PAK3: variants seen among roughly 807,000 people sequenced by gnomAD.
The protein encoded by PAK3 is serine/threonine-protein kinase PAK 3.
A neutral mutation model predicts 41.0 loss-of-function variants in PAK3; 4 were observed. The ratio of observed to expected loss-of-function variants is 0.10; its 90% confidence interval spans 0.05 to 0.22. The LOEUF (loss-of-function observed/expected upper bound fraction) is 0.22, where lower values mean the gene tolerates loss of function less well. PAK3 is among the 10% of genes least tolerant of loss of function. The probability of loss-of-function intolerance (pLI) is 1.00; values close to 1 mark genes in which losing one functional copy is unlikely to be tolerated. For missense variants in PAK3, 205 were observed against 409.9 expected (o/e 0.50, Z 4.32); for synonymous variants, 146 against 139.6 (o/e 1.05, Z -0.32).
At chrX:111,173,676 G>A (rs970008325) in intron 11 of PAK3, among the ~76,000 whole-genome samples, 2 of 111,135 alleles carry the variant, frequency 1.8e-5, no homozygotes, top group African/African-American at 3.3e-5. Flanking sequence ...GTCTGGAGTG[G>A]GGTTCAGTGA....
At chrX:110,965,912 A>T (rs969157833) in intron 1 of PAK3, among the ~76,000 whole-genome samples, 2 of 111,663 alleles carry the variant, frequency 1.8e-5, no homozygotes, top group Non-Finnish European at 3.8e-5. Flanking sequence ...GCCCAACGTC[A>T]CAAATCTGGT....
At chrX:111,002,459 T>C (rs940577302) in intron 1 of PAK3, among the ~76,000 whole-genome samples, 3 of 111,502 alleles carry the variant, frequency 2.7e-5, no homozygotes, top group African/African-American at 9.8e-5. Flanking sequence ...AGGGAAGGCA[T>C]CAGCTCTGCT....
chrX:111,049,361 CACCATT>C (rs2092533092), intron 1 of PAK3, among the ~76,000 whole-genome samples: 1 of 112,259 alleles, frequency 8.9e-6, no homozygotes, highest in African/African-American at 3.2e-5. Context: ...AGGATGTAAG[CACCATT>C]AGAGCAGGAA....
rs1026155474 is a variant in PAK3 at position 110,978,749 on chromosome X, T to TTC, written c.-28+34135_-28+34136dup. The stretch of plus-strand genomic sequence containing the variant: ...TTCTTTTTCTTTCTTTCTTCTTTCC[T>TTC]TCTCTCTCTCTCTCTTTCTTTCTTT... On this transcript the variant is annotated intron_variant, in intron 1 of 14. Transcript: ENST00000425146. 2.3e-4 allele frequency among the ~76,000 whole-genome samples: 25 copies of TTC among 108,320 alleles called. No homozygotes were observed. In the South Asian group the frequency reaches 6.6e-3, roughly 29 times the overall value. The allele number at this position is 108,320 out of a possible 115,157, so 94.1% of individuals were successfully genotyped here.
chrX:110,998,997 G>A (rs930114292), intron 1 of PAK3, among the ~76,000 whole-genome samples: 1 of 111,720 alleles, frequency 9.0e-6, no homozygotes, highest in Non-Finnish European at 1.9e-5. Flanking sequence ...TTTGCTAAGA[G>A]GGCATGTTAT....
intron 1 of PAK3, among the ~76,000 whole-genome samples, chrX:110,972,257 G>T (rs2091223984): frequency 9.0e-6 from 1 of 111,533 alleles, no homozygotes; most frequent in African/African-American, 3.3e-5. Flanking sequence ...CTCTGAGAAT[G>T]GACTGACTGC....
chrX:111,134,441 C>T (rs753201131), intron 5 of PAK3, among the ~76,000 whole-genome samples: 25 of 112,215 alleles, frequency 2.2e-4, no homozygotes, highest in East Asian at 1.7e-3. Flanking sequence ...TATACTGGGC[C>T]TTATTTCATA....
At chrX:111,060,527 A>C (rs1280921088) in intron 1 of PAK3, among the ~76,000 whole-genome samples, 1 of 111,326 alleles carries the variant, frequency 9.0e-6, no homozygotes, top group African/African-American at 3.3e-5. Flanking sequence ...TGTTTTGTAG[A>C]ATTCACCAGT....
chrX:111,095,664 C>T (rs73264378), upstream of PAK3, among the ~76,000 whole-genome samples: 9,963 of 111,722 alleles, frequency 0.089, 450 homozygotes, highest in Non-Finnish European at 0.13. Context: ...CCGATCTAGA[C>T]TGCCATCTCT....
At chrX:111,084,886 C>T (rs1342605539) in intron 1 of PAK3, among the ~76,000 whole-genome samples, 1 of 111,824 alleles carries the variant, frequency 8.9e-6, no homozygotes, top group Non-Finnish European at 1.9e-5. Flanking sequence ...AGTAAATTAT[C>T]TGAAAAACGA....
At chrX:111,132,903 C>T (rs1016583445) in intron 5 of PAK3, among the ~76,000 whole-genome samples, 2 of 111,139 alleles carry the variant, frequency 1.8e-5, no homozygotes, top group African/African-American at 3.3e-5. Context: ...CACACACACA[C>T]GCCGAGTTTG....
At position 111,162,302 on chromosome X, in the gene PAK3, A is replaced by G. The variant is rs372900423; in HGVS notation, c.469-613A>G. Among the ~76,000 whole-genome samples the G allele has an allele frequency of 1.3e-4, 15 of 112,001 alleles. 1 individual carries two copies. In the East Asian group the frequency reaches 1.4e-3, roughly 10 times the overall value. ...AGTTTATAAAATATTGAAAATCTCC[A>G]TTTAACTCATGGTTAATATTGAGTA... On this transcript the variant is annotated intron_variant, in intron 8 of 17. Coordinates refer to ENST00000372007, the MANE Select transcript of PAK3 (RefSeq NM_002578.5).
At chrX:111,052,860 C>A (rs1412229181) in intron 1 of PAK3, among the ~76,000 whole-genome samples, 1 of 112,122 alleles carries the variant, frequency 8.9e-6, no homozygotes, top group Non-Finnish European at 1.9e-5. Context: ...AGCTGCCATA[C>A]CCCTTTAACC....
chrX:111,208,214 A>G (rs1490034313), intron 16 of PAK3, among the ~76,000 whole-genome samples: 1 of 113,144 alleles, frequency 8.8e-6, no homozygotes, highest in East Asian at 2.8e-4. Context: ...GTACAGCTGT[A>G]CAATGTGTTT....
At chrX:111,173,176 G>A in intron 11 of PAK3, 95 bp downstream of exon 11, 2 of 514,383 alleles carry the variant, frequency 3.9e-6, no homozygotes, top group South Asian at 5.5e-5. Flanking sequence ...GGTAAATTAT[G>A]CTTCTCATTT....
intron 4 of PAK3, among the ~76,000 whole-genome samples, chrX:111,116,941 A>C (rs780399468): frequency 8.9e-6 from 1 of 111,957 alleles, no homozygotes; most frequent in South Asian, 3.8e-4. Context: ...TTCTGATCAA[A>C]TGATCTTAGA....
At chrX:111,007,613 A>T (rs1351337249) in intron 1 of PAK3, among the ~76,000 whole-genome samples, 1 of 111,506 alleles carries the variant, frequency 9.0e-6, no homozygotes, top group Admixed American at 9.5e-5. Flanking sequence ...TGTTGCTTCC[A>T]CTGTAAGTGG....
intron 1 of PAK3, among the ~76,000 whole-genome samples, chrX:110,947,306 G>A (rs1176213829): frequency 9.0e-6 from 1 of 111,674 alleles, no homozygotes; most frequent in Non-Finnish European, 1.9e-5. Context: ...GATGGCCTAG[G>A]GTACTTTGGG....
At chrX:111,087,165 GT>G (rs1336093956) in intron 1 of PAK3, among the ~76,000 whole-genome samples, 15 of 108,561 alleles carry the variant, frequency 1.4e-4, no homozygotes, top group African/African-American at 1.3e-4. Context: ...GTGTGTGTGT[GT>G]GTGTGGCAGG....
Sources: allele counts gnomAD v4.1 joint callset (sites outside exome capture counted in the v4.1 genomes callset), GRCh38; gene constraint gnomAD v4.1.1; transcripts MANE v1.5; gene names NCBI Gene and HGNC (gene_info 2026-07-23, HGNC 2026-07-21).